The following EIF4E3 variants were observed in gnomAD, a reference collection of about 807,000 sequenced individuals.
EIF4E3 encodes eukaryotic translation initiation factor 4E type 3.
In EIF4E3, 26 loss-of-function variants were observed where a neutral mutation model predicts 31.7. The observed-to-expected ratio is 0.82, with a 90% CI of 0.60 to 1.14. EIF4E3 has a LOEUF of 1.14. Among genes scored for constraint, EIF4E3 ranks in the 50% most tolerant of loss-of-function variants. The pLI, the probability that EIF4E3 is intolerant of heterozygous loss-of-function variation, is 0.00. For synonymous variants in EIF4E3, 128 were observed against 107.7 expected (o/e 1.19, Z -1.17); for missense variants, 304 against 270.9 (o/e 1.12, Z -0.86).
chr3:71,739,760 G>A (rs752097298), intron 1 of EIF4E3, among the ~76,000 whole-genome samples: 52 of 152,108 alleles, frequency 3.4e-4, no homozygotes, highest in Non-Finnish European at 4.9e-4. Flanking sequence ...AGAAGGGAAC[G>A]TAGATGTACA....
chr3:71,692,886 C>T (rs78747802), intron 5 of EIF4E3, among the ~76,000 whole-genome samples: 3,382 of 152,218 alleles, frequency 0.022, 59 homozygotes, highest in Non-Finnish European at 0.033. Flanking sequence ...TGGGCCACCA[C>T]GCCCAGCGCA....
chr3:71,737,680 C>T (rs1008242056), intron 1 of EIF4E3, among the ~76,000 whole-genome samples: 2 of 152,056 alleles, frequency 1.3e-5, no homozygotes, highest in African/African-American at 2.4e-5. Flanking sequence ...AAACCCAGCA[C>T]TTGGGGAGGC....
upstream of EIF4E3, chr3:71,729,108 A>G (rs1241457304): frequency 6.6e-6 from 1 of 152,266 alleles, no homozygotes; most frequent in African/African-American, 2.4e-5. Flanking sequence ...GGAGCTGGTA[A>G]TCCCATCAGC....
chr3:71,710,350 T>G, intron 2 of EIF4E3, 62 bp downstream of exon 2: 1 of 1,515,042 alleles, frequency 6.6e-7, no homozygotes, highest in South Asian at 1.2e-5. Context: ...AGATTTCAAG[T>G]TGGGTGATTA....
chr3:71,713,117 C>T (rs1311132556), intron 1 of EIF4E3, among the ~76,000 whole-genome samples: 3 of 152,222 alleles, frequency 2.0e-5, no homozygotes, highest in South Asian at 2.1e-4. Context: ...ATGTAAGTGC[C>T]GAATTCTTGC....
chr3:71,694,033 C>T (rs1169863312), intron 4 of EIF4E3, 92 bp from the exon 5 acceptor site: 1 of 1,268,202 alleles, frequency 7.9e-7, no homozygotes, highest in African/African-American at 1.5e-5. Context: ...ATGTTTTCTT[C>T]AACTTCACAT....
intron 1 of EIF4E3, among the ~76,000 whole-genome samples, chr3:71,732,001 A>G (rs1198898578): frequency 6.6e-6 from 1 of 152,210 alleles, no homozygotes; most frequent in Non-Finnish European, 1.5e-5. Flanking sequence ...TATATTCCAA[A>G]CAGATTTGTC....
chr3:71,751,656 C>T (rs1444621349), intron 1 of EIF4E3, among the ~76,000 whole-genome samples: 2 of 152,202 alleles, frequency 1.3e-5, no homozygotes, highest in Non-Finnish European at 1.5e-5. Flanking sequence ...CAAGTGCTCA[C>T]TCTCAATTGA....
At chr3:71,684,838 G>A in intron 6 of EIF4E3, 110 bp from the exon 7 acceptor site, 1 of 1,033,314 alleles carries the variant, frequency 9.7e-7, no homozygotes, top group Non-Finnish European at 1.4e-6. Context: ...ATGTTGGCAA[G>A]AACTCAAACA....
In EIF4E3 at chr3:71,678,092, T is replaced by C. The variant is rs1364273087; in HGVS notation, c.*6590A>G. 1 of 152,148 alleles carries C rather than the reference T, an allele frequency of 6.6e-6. No homozygotes were observed. The highest frequency in any genetic ancestry group is 1.5e-5 in the Non-Finnish European group (1 of 68,020). The allele number at this position is 152,148 out of a possible 1,614,324, so 9.4% of individuals were successfully genotyped here. On this transcript the variant is annotated 3_prime_UTR_variant, in exon 7 of 7. Transcript: ENST00000425534. ...TCCATGCTAGCAGCGTCACACATAT[T>C]AGAGGTGTTGGACAGAAACTTTTAA... is the stretch of plus-strand genomic sequence containing the variant.
At chr3:71,723,293 A>T (rs1263234449) in intron 1 of EIF4E3, among the ~76,000 whole-genome samples, 1 of 152,236 alleles carries the variant, frequency 6.6e-6, no homozygotes. Flanking sequence ...CCACAGAAGG[A>T]GAAAAAGTTC....
Position 71,685,747 on chromosome 3 carries a change from G to T in EIF4E3, c.629-1019C>A, listed in dbSNP as rs112866298. ...TTTAAAGTAGAAGATGCCACAGGGAGACCTACGAAATACATAACATTTTCT... is the reference window on the plus strand; with the variant it reads ...TTTAAAGTAGAAGATGCCACAGGGATACCTACGAAATACATAACATTTTCT... On this transcript the variant is annotated intron_variant, in intron 6 of 6. Transcript: ENST00000425534. Among the ~76,000 whole-genome samples, 132 of 152,324 alleles carry T rather than the reference G, an allele frequency of 8.7e-4. 1 individual carries two copies. The highest frequency in any genetic ancestry group is 3.0e-3 in the African/African-American group (125 of 41,566).
At chr3:71,703,613 C>CA (rs1427983000) in intron 2 of EIF4E3, among the ~76,000 whole-genome samples, 1 of 152,108 alleles carries the variant, frequency 6.6e-6, no homozygotes, top group Non-Finnish European at 1.5e-5. Flanking sequence ...ACCTTACAGC[C>CA]TTCTGCCAAA....
intron 1 of EIF4E3, among the ~76,000 whole-genome samples, chr3:71,747,751 A>G (rs922627403): frequency 2.0e-5 from 3 of 152,164 alleles, no homozygotes; most frequent in Admixed American, 2.0e-4. Flanking sequence ...TTATAGTTTT[A>G]GCCCTGAGTT....
Position 71,725,310 on chromosome 3 carries a change from G to A in EIF4E3, c.58C>T (p.Arg20Cys), listed in dbSNP as rs1232072975. 9.2e-6 allele frequency: 9 copies of A among 982,988 alleles called. No homozygotes were observed. The South Asian group carries it at 1.4e-4, about 15-fold the overall frequency. The allele number at this position is 982,988 out of a possible 1,614,324, so 60.9% of individuals were successfully genotyped here. A position where few individuals can be genotyped will look rare whatever the true frequency, so the allele number is the denominator to read the frequency against. ...PAGAREPPGSRAAAAAAAPEP... is the reference protein window; with the variant it reads ...PAGAREPPGSCAAAAAAAPEP... ...GGGGCGGCGGCAGCGGCGGCGGCGC[G>A]GGACCCCGGCGGCTCCCGGGCCCCG... The change falls in exon 1 of 7, where the codon CGC becomes TGC. Residue 20 changes from arginine (R) to cysteine (C), a missense_variant. Transcript: ENST00000425534. This position sits in a 1 kb window ranked among gnomAD's most constrained non-coding sequence, Gnocchi z 6.1.
chr3:71,692,621 G>C (rs980073544), intron 5 of EIF4E3, among the ~76,000 whole-genome samples: 1 of 149,304 alleles, frequency 6.7e-6, no homozygotes, highest in African/African-American at 2.5e-5. Context: ...TTTGAAACAG[G>C]GTCTCACTCT....
intron 3 of EIF4E3, among the ~76,000 whole-genome samples, chr3:71,698,470 C>A (rs2049170742): frequency 6.6e-6 from 1 of 152,198 alleles, no homozygotes; most frequent in Non-Finnish European, 1.5e-5. Flanking sequence ...AACATCTGCT[C>A]CCTTTCTGGT....
chr3:71,696,068 T>C (rs1397977089), intron 4 of EIF4E3, among the ~76,000 whole-genome samples: 1 of 152,012 alleles, frequency 6.6e-6, no homozygotes, highest in African/African-American at 2.4e-5. Context: ...ACTGCTTTTG[T>C]TCCCCCTGTA....
At chr3:71,702,664 C>T (rs530046466) in intron 2 of EIF4E3, among the ~76,000 whole-genome samples, 2 of 148,504 alleles carry the variant, frequency 1.3e-5, no homozygotes, top group African/African-American at 5.0e-5. Context: ...CATATTTGTA[C>T]GTTTTTGCTG....
Sources: allele counts gnomAD v4.1 joint callset (sites outside exome capture counted in the v4.1 genomes callset), GRCh38; gene constraint gnomAD v4.1.1; non-coding constraint Gnocchi (gnomAD v3.1); transcripts MANE v1.5; gene names NCBI Gene and HGNC (gene_info 2026-07-23, HGNC 2026-07-21).